RAD17: variants seen among roughly 807,000 people sequenced by gnomAD.
The protein encoded by RAD17 is cell cycle checkpoint protein RAD17.
In RAD17, 31 loss-of-function variants were observed where a neutral mutation model predicts 81.5. The ratio of observed to expected loss-of-function variants is 0.38; its 90% CI spans 0.29 to 0.51. RAD17 has a LOEUF of 0.51. RAD17 is among the 20% of genes least tolerant of loss of function. The pLI, the probability that RAD17 is intolerant of heterozygous loss-of-function variation, is 0.88. For synonymous variants in RAD17, 261 were observed against 266.2 expected, an observed-to-expected ratio of 0.98 and a Z score of 0.19; for missense variants, 681 against 781.2, an observed-to-expected ratio of 0.87 and a Z score of 1.53.
chr5:69,372,494 C>T (rs1763068173), intron 4 of RAD17, among the ~76,000 whole-genome samples: 2 of 152,216 alleles, frequency 1.3e-5, no homozygotes, highest in East Asian at 1.9e-4. Flanking sequence ...GCAGTAGATT[C>T]TACAACCAGA....
At chr5:69,413,901 A>T in intron 18 of RAD17, 130 bp from the exon 19 acceptor site, 1 of 1,124,548 alleles carries the variant, frequency 8.9e-7, no homozygotes, top group Non-Finnish European at 1.3e-6. Flanking sequence ...TTGTTTTTAT[A>T]GTTAAAGGGA....
intron 18 of RAD17, among the ~76,000 whole-genome samples, chr5:69,411,188 A>T (rs985100127): frequency 6.6e-6 from 1 of 151,808 alleles, no homozygotes; most frequent in African/African-American, 2.4e-5. Context: ...AGGCAGGTGG[A>T]TCACCTGAGA....
At chr5:69,393,099 T>C in intron 13 of RAD17, 56 bp from the exon 14 acceptor site, 1 of 1,178,946 alleles carries the variant, frequency 8.5e-7, no homozygotes, top group East Asian at 2.4e-5. Flanking sequence ...AAATGAGAGG[T>C]GCTATATAAT....
At chr5:69,379,656 A>T (rs181166974) in intron 6 of RAD17, among the ~76,000 whole-genome samples, 20 of 152,176 alleles carry the variant, frequency 1.3e-4, no homozygotes, top group Admixed American at 6.5e-4. Flanking sequence ...TTAAAAAAAA[A>T]TTTTTAAGCT....
In RAD17 at chr5:69,410,506, T is replaced by C; in HGVS notation, c.1707T>C (p.Phe569=). The C allele has an allele frequency of 6.2e-7, 1 of 1,612,834 alleles. No homozygotes were observed. Among genetic ancestry groups the C allele is most frequent in the Non-Finnish European group, 8.5e-7 (1 of 1,179,364 alleles). The change falls in exon 18 of 19, where the codon TTT becomes TTC. Residue 569 remains phenylalanine (F), a synonymous_variant. Transcript: ENST00000354868. ...IPMRNQAQIS[F]IQDIGRLPLK... ...AATCTGTTTCAGCTCAGATTTCTTT[T>C]ATCCAAGATATTGGAAGGCTCCCTC...
intron 15 of RAD17, among the ~76,000 whole-genome samples, chr5:69,394,073 G>A (rs962367903): frequency 8.8e-5 from 11 of 124,422 alleles, no homozygotes; most frequent in African/African-American, 3.1e-4. Flanking sequence ...TTTTTTTTTC[G>A]AGACAGCGTC....
At chr5:69,392,878 C>G (rs992158354) in intron 13 of RAD17, 4 of 470,466 alleles carry the variant, frequency 8.5e-6, no homozygotes, top group African/African-American at 7.9e-5. Context: ...AGAAAGCAAC[C>G]CAAAGCTGAA....
At chr5:69,410,996 T>TATATAC (rs1473955567) in intron 18 of RAD17, among the ~76,000 whole-genome samples, 2 of 144,864 alleles carry the variant, frequency 1.4e-5, no homozygotes, top group African/African-American at 2.5e-5. Flanking sequence ...TATATATATA[T>TATATAC]ACTGTTCATT....
chr5:69,400,364 C>T (rs1407432223), intron 17 of RAD17, among the ~76,000 whole-genome samples, 195 bp downstream of exon 17: 3 of 151,782 alleles, frequency 2.0e-5, no homozygotes, highest in Admixed American at 6.6e-5. Context: ...ACCACAGGCA[C>T]GCGCCCCCAC....
intron 17 of RAD17, among the ~76,000 whole-genome samples, chr5:69,406,629 G>GTAGC (rs528210719): frequency 7.0e-4 from 107 of 152,046 alleles, no homozygotes; most frequent in African/African-American, 2.2e-3. Context: ...AGCCTACTGA[G>GTAGC]TAGCTGGTAA....
intron 8 of RAD17, among the ~76,000 whole-genome samples, chr5:69,385,207 A>G (rs1441258471): frequency 2.8e-4 from 42 of 147,860 alleles, no homozygotes; most frequent in African/African-American, 3.5e-4. Flanking sequence ...TGATATGCCC[A>G]CCGTGGCCTC....
chr5:69,397,367 C>A (rs1308114102), intron 16 of RAD17, among the ~76,000 whole-genome samples: 1 of 152,142 alleles, frequency 6.6e-6, no homozygotes, highest in African/African-American at 2.4e-5. Context: ...TTCTTGAACT[C>A]CTGACCTTAA....
chr5:69,369,503 G>A (rs778186272), upstream of RAD17: 27 of 1,611,334 alleles, frequency 1.7e-5, 1 homozygote, highest in African/African-American at 1.2e-4. Flanking sequence ...TCCCCGCCGC[G>A]ACGGCTTCGG....
chr5:69,397,451 T>A (rs768258725), intron 16 of RAD17, among the ~76,000 whole-genome samples: 8 of 152,126 alleles, frequency 5.3e-5, no homozygotes, highest in African/African-American at 1.9e-4. Context: ...TGCATAGTTA[T>A]ATTTCAGTTT....
intron 12 of RAD17, 36 bp downstream of exon 12, chr5:69,389,181 A>G: frequency 7.7e-7 from 1 of 1,291,950 alleles, no homozygotes; most frequent in Non-Finnish European, 1.1e-6. Context: ...GGCATTATAT[A>G]GGTGACTGAC....
chr5:69,388,144 A>C (rs1764330509), intron 11 of RAD17, among the ~76,000 whole-genome samples: 1 of 152,200 alleles, frequency 6.6e-6, no homozygotes. Flanking sequence ...CTGGGAGCTC[A>C]AGACCAGCCC....
At chr5:69,410,965 C>CTATATA (rs1554044686) in intron 18 of RAD17, among the ~76,000 whole-genome samples, 6,430 of 89,900 alleles carry the variant, frequency 0.072, 377 homozygotes, top group African/African-American at 0.11. Context: ...AGATGTCTGT[C>CTATATA]TATATATATA....
In RAD17 at chr5:69,371,516, A is replaced by G. The variant is rs1477382572; in HGVS notation, c.-217A>G. 6 of 1,381,938 alleles carry G rather than the reference A, an allele frequency of 4.3e-6. No homozygotes were observed. Among genetic ancestry groups the G allele is most frequent in the Admixed American group, 2.2e-5 (1 of 46,466 alleles). 85.6% of individuals were successfully genotyped at this position (1,381,938 alleles called of 1,614,324 possible). On this transcript the variant is annotated 5_prime_UTR_variant, in exon 3 of 19. An upstream start codon of the reference 5' UTR is lost. Transcript: ENST00000354868. ...CGGATGGGAACTATTACAGTTTATAATGTCAAAAACTTTTCTTAGACCAAA... is the reference window on the plus strand; with the variant it reads ...CGGATGGGAACTATTACAGTTTATAGTGTCAAAAACTTTTCTTAGACCAAA...
At chr5:69,384,164 TCAAAA>T (rs1561247756) in intron 7 of RAD17, 1 of 152,042 alleles carries the variant, frequency 6.6e-6, no homozygotes, top group Admixed American at 6.6e-5. Flanking sequence ...AGATTCCGTC[TCAAAA>T]CAAACAAACC....
Sources: allele counts gnomAD v4.1 joint callset (sites outside exome capture counted in the v4.1 genomes callset), GRCh38; gene constraint gnomAD v4.1.1; transcripts MANE v1.5; gene names NCBI Gene and HGNC (gene_info 2026-07-23, HGNC 2026-07-21).